RIMS2: variants seen among roughly 807,000 people sequenced by gnomAD.
RIMS2 encodes the protein regulating synaptic membrane exocytosis protein 2.
RIMS2 carries 59 observed loss-of-function variants against 174.4 expected under a neutral mutation model. The ratio of observed to expected loss-of-function variants is 0.34; its 90% CI spans 0.27 to 0.42. The LOEUF is 0.42. Among genes scored for constraint, RIMS2 ranks in the 10% least tolerant of loss-of-function variants. The pLI is 1.00. For synonymous variants in RIMS2, 606 were observed against 572.5 expected, an observed-to-expected ratio of 1.06 and a Z score of -0.84; for missense variants, 1,620 against 1,666.3, an observed-to-expected ratio of 0.97 and a Z score of 0.48.
At chr8:103,766,721 T>C (rs2098175913) in intron 3 of RIMS2, among the ~76,000 whole-genome samples, 184 bp downstream of exon 6, 1 of 152,198 alleles carries the variant, frequency 6.6e-6, no homozygotes, top group Non-Finnish European at 1.5e-5. Context: ...TGAACTATCT[T>C]AGATTTGATG....
intron 2 of RIMS2, among the ~76,000 whole-genome samples, chr8:103,764,644 A>G (rs2098148528): frequency 6.6e-6 from 1 of 152,150 alleles, no homozygotes; most frequent in South Asian, 2.1e-4. Flanking sequence ...TTTTCACATC[A>G]AAATACTTAT....
At chr8:103,554,161 G>A (rs1385249621) in intron 1 of RIMS2, among the ~76,000 whole-genome samples, 2 of 151,912 alleles carry the variant, frequency 1.3e-5, no homozygotes, top group African/African-American at 2.4e-5. Context: ...TGAGGAAGAC[G>A]TCAAAAGGAA....
chr8:103,700,231 T>G (rs998010087), intron 2 of RIMS2, among the ~76,000 whole-genome samples: 2 of 152,166 alleles, frequency 1.3e-5, no homozygotes, highest in African/African-American at 4.8e-5. Context: ...TATAGTTTTA[T>G]GTATTTTTAG....
rs142860236 is a variant in RIMS2 at position 104,125,145 on chromosome 8, T to C, written c.3334+110530T>C. Among the ~76,000 whole-genome samples the C allele has an allele frequency of 2.8e-4, 42 of 152,270 alleles. No individual in the cohort carries two copies. In the East Asian group the frequency reaches 6.8e-3, roughly 25 times the overall value. The stretch of plus-strand genomic sequence containing the variant: ...GTAAAGGACTATGTCTGCATACATA[T>C]AAATCTGGATGTCTAGACCATGTTC... On this transcript the variant is annotated intron_variant, in intron 19 of 23. Coordinates refer to ENST00000504942, the Ensembl canonical transcript of RIMS2.
At chr8:104,056,699 T>G (rs1271533761) in intron 19 of RIMS2, among the ~76,000 whole-genome samples, 2 of 152,096 alleles carry the variant, frequency 1.3e-5, no homozygotes, top group Non-Finnish European at 1.5e-5. Flanking sequence ...CGGGGAAACA[T>G]AGCGATACCT....
At chr8:104,029,843 T>A (rs901450738) in intron 19 of RIMS2, among the ~76,000 whole-genome samples, 5 of 152,174 alleles carry the variant, frequency 3.3e-5, no homozygotes, top group African/African-American at 1.2e-4. Context: ...CTGTAACACT[T>A]GTAAAATCTT....
intron 13 of RIMS2, among the ~76,000 whole-genome samples, chr8:103,938,539 A>C (rs2081820662): frequency 1.3e-5 from 2 of 152,116 alleles, no homozygotes; most frequent in Admixed American, 1.3e-4. Flanking sequence ...TTGGGTGGGG[A>C]CACAGCCAAA....
At position 103,966,959 on chromosome 8, in the gene RIMS2, C is replaced by T. The variant is rs190605871; in HGVS notation, c.2770+5826C>T. ...TATTTTCATTGTGGACTCAGAGCAGCATTGTATGTTTTAAAAAATTTGCTA... is the reference window on the plus strand; with the variant it reads ...TATTTTCATTGTGGACTCAGAGCAGTATTGTATGTTTTAAAAAATTTGCTA... On this transcript the variant is annotated intron_variant, in intron 15 of 23. Coordinates refer to ENST00000504942, the Ensembl canonical transcript of RIMS2. Among the ~76,000 whole-genome samples the T allele has an allele frequency of 9.9e-5, 15 of 151,850 alleles. No individual in the cohort carries two copies. The East Asian group carries it at 2.9e-3, about 29-fold the overall frequency.
At chr8:104,207,568 G>A (rs892673179) in intron 19 of RIMS2, among the ~76,000 whole-genome samples, 1 of 151,990 alleles carries the variant, frequency 6.6e-6, no homozygotes, top group African/African-American at 2.4e-5. Flanking sequence ...CACTTTGGGA[G>A]GCCGAGGCAG....
At chr8:103,766,835 A>G (rs1287081464) in intron 3 of RIMS2, among the ~76,000 whole-genome samples, 1 of 152,188 alleles carries the variant, frequency 6.6e-6, no homozygotes, top group East Asian at 1.9e-4. Context: ...GCATTGGACT[A>G]ATGGGAATGA....
At chr8:104,123,636 A>G (rs2098403703) in intron 19 of RIMS2, among the ~76,000 whole-genome samples, 1 of 138,524 alleles carries the variant, frequency 7.2e-6, no homozygotes, top group Non-Finnish European at 1.6e-5. Context: ...CAAATGTAAA[A>G]CATTGGTAGA....
chr8:103,587,449 A>G lies in RIMS2; in HGVS notation c.176+86387A>G, dbSNP rs1165100988. On this transcript the variant is annotated intron_variant, in intron 1 of 23. Transcript: ENST00000504942. ...GAAAGAAAGAAAGAAAGAAAGAAAG[A>G]AAGAAAGAAAGAAAGAAAGAAACTA... Among the ~76,000 whole-genome samples the G allele has an allele frequency of 4.8e-5, 6 of 124,654 alleles. No individual in the cohort carries two copies. In the South Asian group the frequency reaches 1.4e-3, roughly 29 times the overall value. 81.8% of individuals were successfully genotyped at this position (124,654 alleles called of 152,430 possible).
chr8:103,720,799 A>T (rs1016758472), intron 2 of RIMS2, among the ~76,000 whole-genome samples: 1 of 152,238 alleles, frequency 6.6e-6, no homozygotes, highest in Non-Finnish European at 1.5e-5. Context: ...TTTAAAAGGC[A>T]GAGAGAGGCT....
chr8:104,165,604 G>C (rs991121190), intron 19 of RIMS2, among the ~76,000 whole-genome samples: 1 of 150,332 alleles, frequency 6.7e-6, no homozygotes, highest in African/African-American at 2.4e-5. Flanking sequence ...TATCTTTTTG[G>C]TCCTTTATGA....
chr8:104,034,895 T>C (rs1213048557), intron 19 of RIMS2, among the ~76,000 whole-genome samples: 1 of 152,186 alleles, frequency 6.6e-6, no homozygotes, highest in East Asian at 1.9e-4. Context: ...TAGAAATGTT[T>C]ATGAGAAAAG....
In RIMS2 at chr8:103,700,578, C is replaced by T. The variant is rs1054535500; in HGVS notation, c.387+3282C>T. Among the ~76,000 whole-genome samples, 3 of 152,018 alleles carry T rather than the reference C, an allele frequency of 2.0e-5. No homozygotes were observed. In the South Asian group the frequency reaches 6.2e-4, roughly 32 times the overall value. Reference sequence around the variant, plus strand: ...AGTTGGATCTTGCTTTATTATTCAACCTGACAGTCTCTTCCTTTTAATTGG... The same window carrying T: ...AGTTGGATCTTGCTTTATTATTCAATCTGACAGTCTCTTCCTTTTAATTGG... On this transcript the variant is annotated intron_variant, in intron 2 of 23. Transcript: ENST00000504942.
intron 3 of RIMS2, among the ~76,000 whole-genome samples, chr8:103,810,876 A>G (rs372094185): frequency 2.0e-5 from 3 of 152,348 alleles, no homozygotes; most frequent in Middle Eastern, 3.4e-3. Flanking sequence ...TTGGAGGCCA[A>G]TGTTATTCCA....
chr8:103,995,741 T>G (rs2154551352), intron 17 of RIMS2, among the ~76,000 whole-genome samples: 1 of 152,154 alleles, frequency 6.6e-6, no homozygotes, highest in South Asian at 2.1e-4. Context: ...GCAAATAAAC[T>G]TCTGTAGACA....
chr8:104,038,801 A>C (rs974038886), intron 19 of RIMS2, among the ~76,000 whole-genome samples: 1 of 151,906 alleles, frequency 6.6e-6, no homozygotes, highest in Admixed American at 6.6e-5. Flanking sequence ...AATCCAAAAA[A>C]CCAAAAATGT....
Sources: allele counts gnomAD v4.1 joint callset (sites outside exome capture counted in the v4.1 genomes callset), GRCh38; gene constraint gnomAD v4.1.1; transcripts MANE v1.5; gene names NCBI Gene and HGNC (gene_info 2026-07-23, HGNC 2026-07-21).